Variants in ANKRD33B observed in about 807,000 individuals in gnomAD.
ANKRD33B encodes the protein ankyrin repeat domain-containing protein 33B.
A neutral mutation model predicts 21.5 loss-of-function variants in ANKRD33B; 6 were observed. The ratio of observed to expected loss-of-function variants is 0.28; its 90% CI spans 0.15 to 0.55. The LOEUF is 0.55. Ranked by LOEUF, ANKRD33B falls within the 20% of genes least tolerant of loss-of-function variation. The pLI, the probability that ANKRD33B is intolerant of heterozygous loss-of-function variation, is 0.94. For synonymous variants in ANKRD33B, 347 were observed against 342.4 expected (o/e 1.01, Z -0.15); for missense variants, 698 against 747.2 (o/e 0.93, Z 0.77).
rs1334539561 is a variant in ANKRD33B, at chr5:10,649,380, G to A, written c.752G>A (p.Cys251Tyr). 4 of 1,535,494 alleles carry A rather than the reference G, an allele frequency of 2.6e-6. No individual in the cohort carries two copies. In the South Asian group the frequency reaches 3.6e-5, roughly 14 times the overall value. Reference protein sequence around the residue: ...RLMQRLLERPCPEQFWEKYRP... With the variant: ...RLMQRLLERPYPEQFWEKYRP... ...ATGCAGAGGCTGCTGGAGCGCCCCT[G>A]CCCGGAGCAGTTCTGGGAGAAGTAC... The change falls in exon 4 of 4, where the codon TGC (cysteine) becomes TAC (tyrosine). Residue 251 changes from cysteine (C) to tyrosine (Y), a missense_variant. Physicochemically the swap from Cys to Tyr is radical, Grantham distance 194 (BLOSUM62 -2). Around this residue, in one of 3 missense-constraint regions of ANKRD33B, gnomAD observed 543 missense variants for 566.5 expected, o/e 0.96. Transcript: ENST00000296657.
chr5:10,620,020 T>A (rs533611435), intron 2 of ANKRD33B, among the ~76,000 whole-genome samples: 6 of 152,190 alleles, frequency 3.9e-5, no homozygotes, highest in Middle Eastern at 3.4e-3. Flanking sequence ...TAGGTGGGCA[T>A]GGCTGTAGGA....
At chr5:10,589,047 C>T (rs1048274586) in intron 1 of ANKRD33B, among the ~76,000 whole-genome samples, 22 of 152,238 alleles carry the variant, frequency 1.4e-4, no homozygotes, top group African/African-American at 4.6e-4. Flanking sequence ...AGATAAGACC[C>T]CATACCCTGA....
intron 1 of ANKRD33B, among the ~76,000 whole-genome samples, chr5:10,578,706 A>G (rs780551638): frequency 6.6e-6 from 1 of 152,222 alleles, no homozygotes; most frequent in African/African-American, 2.4e-5. Context: ...AGAAATAATC[A>G]TTTTTAAATT....
intron 3 of ANKRD33B, among the ~76,000 whole-genome samples, chr5:10,643,437 G>A (rs1417619128): frequency 3.3e-5 from 5 of 151,908 alleles, no homozygotes; most frequent in East Asian, 1.9e-4. Context: ...TAATTTAAAT[G>A]GGAAAGGATA....
At chr5:10,641,942 A>C (rs1302879736) in intron 3 of ANKRD33B, among the ~76,000 whole-genome samples, 1 of 152,206 alleles carries the variant, frequency 6.6e-6, no homozygotes, top group Non-Finnish European at 1.5e-5. Flanking sequence ...AATGGTTCCT[A>C]CTAATTAAAT....
At chr5:10,595,655 G>T (rs1735803320) in intron 1 of ANKRD33B, among the ~76,000 whole-genome samples, 1 of 152,188 alleles carries the variant, frequency 6.6e-6, no homozygotes, top group Non-Finnish European at 1.5e-5. Context: ...GAATCCTCCA[G>T]TGGGGCCTGA....
At chr5:10,571,265 G>A (rs781676170) in intron 1 of ANKRD33B, among the ~76,000 whole-genome samples, 2 of 151,932 alleles carry the variant, frequency 1.3e-5, no homozygotes, top group Non-Finnish European at 2.9e-5. Flanking sequence ...GCAGTGGTGC[G>A]ATCTCGGCCC....
intron 2 of ANKRD33B, among the ~76,000 whole-genome samples, chr5:10,629,223 A>G (rs1282226983): frequency 6.6e-6 from 1 of 152,164 alleles, no homozygotes; most frequent in Non-Finnish European, 1.5e-5. Context: ...TCAGGACAGG[A>G]GCTGTGGCCC....
intron 1 of ANKRD33B, among the ~76,000 whole-genome samples, chr5:10,567,556 G>T (rs1474073261): frequency 6.6e-6 from 1 of 152,216 alleles, no homozygotes; most frequent in Non-Finnish European, 1.5e-5. Flanking sequence ...CTCCCTCTCT[G>T]TCTGCAGGCT....
At chr5:10,589,098 C>G (rs750160263) in intron 1 of ANKRD33B, among the ~76,000 whole-genome samples, 2 of 152,150 alleles carry the variant, frequency 1.3e-5, no homozygotes, top group Non-Finnish European at 2.9e-5. Context: ...CCTCGGGAAC[C>G]TGATAAGGTA....
At chr5:10,632,420 C>T (rs540340665) in intron 2 of ANKRD33B, among the ~76,000 whole-genome samples, 29 of 152,186 alleles carry the variant, frequency 1.9e-4, no homozygotes, top group Non-Finnish European at 3.7e-4. Flanking sequence ...TGGGTGTCCA[C>T]CTCTTTGTGT....
intron 3 of ANKRD33B, among the ~76,000 whole-genome samples, chr5:10,645,372 C>A (rs996989020): frequency 2.0e-5 from 3 of 152,224 alleles, no homozygotes; most frequent in Non-Finnish European, 4.4e-5. Flanking sequence ...GCTTCACGCT[C>A]CACCCACCTC....
chr5:10,604,871 C>T (rs1051765484), intron 1 of ANKRD33B, among the ~76,000 whole-genome samples: 3 of 152,208 alleles, frequency 2.0e-5, no homozygotes, highest in Non-Finnish European at 4.4e-5. Flanking sequence ...CTACATGCAT[C>T]ACCCCAAAAC....
Position 10,577,637 on chromosome 5 carries a change from G to A in ANKRD33B, c.366+12804G>A, listed in dbSNP as rs368657604. Among the ~76,000 whole-genome samples the A allele has an allele frequency of 1.8e-4, 27 of 152,362 alleles. No homozygotes were observed. In the East Asian group the frequency reaches 5.0e-3, roughly 28 times the overall value. On this transcript the variant is annotated intron_variant, in intron 1 of 3. Coordinates refer to ENST00000296657, the MANE Select transcript of ANKRD33B (RefSeq NM_001164440.2). ...CCATGTGTAGCGGGAGGGTCAGTCT[G>A]TATCGCTTCCTTCTAGACCTTGCAG...
chr5:10,567,713 C>T (rs1272276957), intron 1 of ANKRD33B, among the ~76,000 whole-genome samples: 4 of 152,124 alleles, frequency 2.6e-5, no homozygotes, highest in South Asian at 2.1e-4. Context: ...GAGCAGGTGA[C>T]GTTTGAGCAG....
rs147375797 is a variant in ANKRD33B at position 10,566,209 on chromosome 5, G to A, written c.366+1376G>A. 4.8e-3 allele frequency among the ~76,000 whole-genome samples: 735 copies of A among 152,292 alleles called. 3 individuals carry two copies. Among genetic ancestry groups the A allele is most frequent in the African/African-American group, 0.017 (686 of 41,548 alleles). On this transcript the variant is annotated intron_variant, in intron 1 of 3. Transcript: ENST00000296657. ...GTTAGGCAGTGAGACCTGAGGTGGC[G>A]TCCCCGTAGGTAGCATCACCTGGAG...
intron 1 of ANKRD33B, among the ~76,000 whole-genome samples, chr5:10,612,721 C>T (rs1022168985): frequency 3.9e-5 from 6 of 152,198 alleles, no homozygotes; most frequent in Non-Finnish European, 8.8e-5. Flanking sequence ...CACCCCGTCC[C>T]CAGCGCAAGA....
intron 1 of ANKRD33B, among the ~76,000 whole-genome samples, chr5:10,596,236 C>T (rs181192309): frequency 1.5e-3 from 233 of 152,242 alleles, no homozygotes; most frequent in Non-Finnish European, 2.5e-3. Context: ...TGTGCCATGC[C>T]CATTGTGGTT....
rs1735451033 is a variant in ANKRD33B, at chr5:10,581,853, TTTGGACTTGCCAGCCCCCACAATC to T, written c.366+17022_366+17045del. 3.3e-5 allele frequency among the ~76,000 whole-genome samples: 5 copies of T among 152,290 alleles called. No individual in the cohort carries two copies. The South Asian group carries it at 1.0e-3, about 32-fold the overall frequency. On this transcript the variant is annotated intron_variant, in intron 1 of 3. Transcript: ENST00000296657. ...CAGCCTGCCTGCCTGCCCTGTAGAT[TTTGGACTTGCCAGCCCCCACAATC>T]TCATGAGCCAGTTTCTTAAAATAAA...
Sources: gnomAD v4.1 joint callset for allele counts (sites outside exome capture counted in the v4.1 genomes callset) on GRCh38, gnomAD v4.1.1 for gene constraint, gnomAD v4.1.1 regional missense constraint, MANE v1.5 for transcripts, NCBI Gene and HGNC (gene_info 2026-07-23, HGNC 2026-07-21) for gene names.